The following CYP2C8 variants were observed in gnomAD, a reference collection of about 807,000 sequenced individuals.
The protein encoded by CYP2C8 is cytochrome P450 family 2 subfamily C member 8.
Under a neutral mutation model 41.3 loss-of-function variants are expected in CYP2C8, and 51 were observed. The observed-to-expected ratio is 1.24, with a 90% confidence interval of 0.99 to 1.56. CYP2C8 has a LOEUF of 1.56. Among genes scored for constraint, CYP2C8 ranks in the 40% most tolerant of loss-of-function variants. The pLI is 0.00. For missense variants in CYP2C8, 651 were observed against 579.9 expected (o/e 1.12, Z -1.26); for synonymous variants, 218 against 205.8 (o/e 1.06, Z -0.51).
rs747809923 is a variant in CYP2C8, at chr10:95,067,647, C to A, written c.213G>T (p.Met71Ile). The change falls in exon 2 of 9, where the codon ATG (methionine) becomes ATT (isoleucine). Residue 71 changes from methionine to isoleucine, a missense_variant. Physicochemically the swap from Met to Ile is conservative, Grantham distance 10. Coordinates refer to ENST00000371270, the MANE Select transcript of CYP2C8 (RefSeq NM_000770.3). ...YGPVFTVYFG[M>I]NPIVVFHGYE... ...ATCCATGAAACACCACTATGGGATTCATGCCAAAATACACGGTGAACACAG... is the reference window on the plus strand; with the variant it reads ...ATCCATGAAACACCACTATGGGATTAATGCCAAAATACACGGTGAACACAG... 88 of 1,614,054 alleles carry A rather than the reference C, an allele frequency of 5.5e-5. No homozygotes were observed. Among genetic ancestry groups the A allele is most frequent in the Non-Finnish European group, 6.4e-5 (76 of 1,180,046 alleles).
At chr10:95,059,730 C>A (rs2033385067) in intron 4 of CYP2C8, among the ~76,000 whole-genome samples, 1 of 152,166 alleles carries the variant, frequency 6.6e-6, no homozygotes, top group Non-Finnish European at 1.5e-5. Context: ...TGCCTATGTC[C>A]TGAATGGTAT....
Position 95,039,041 on chromosome 10 carries a change from G to C in CYP2C8, c.1150-3C>G. The C allele has an allele frequency of 6.2e-7, 1 of 1,612,708 alleles. No homozygotes were observed. Among genetic ancestry groups the C allele is most frequent in the East Asian group, 2.2e-5 (1 of 44,866 alleles). On this transcript the variant is annotated splice_polypyrimidine_tract_variant and splice_region_variant and intron_variant, in intron 7 of 8. Transcript: ENST00000371270. ...AGTAATGCCATTATGGTTGTGCCCT[G>C]GAAGTAACAAAACAGATAATCTGAT...
intron 3 of CYP2C8, among the ~76,000 whole-genome samples, chr10:95,066,151 AGAGTGTGTGTGTGTGT>A (rs1262769517): frequency 9.5e-4 from 79 of 82,756 alleles, no homozygotes; most frequent in Non-Finnish European, 4.3e-4. Flanking sequence ...AGAGAGAGAG[AGAGTGTGTGTGTGTGT>A]GTGTGTGTGT....
chr10:95,060,957 G>A (rs59865351), intron 4 of CYP2C8, among the ~76,000 whole-genome samples: 11,395 of 152,180 alleles, frequency 0.075, 483 homozygotes, highest in Middle Eastern at 0.25. Flanking sequence ...ACTGATTTGC[G>A]TATATTGAAC....
chr10:95,043,763 C>T (rs2033054518), intron 6 of CYP2C8, among the ~76,000 whole-genome samples: 1 of 152,050 alleles, frequency 6.6e-6, no homozygotes, highest in South Asian at 2.1e-4. Flanking sequence ...CACGTACACA[C>T]ACACAATTCT....
Position 95,058,487 on chromosome 10 carries a change from T to A in CYP2C8, c.667A>T (p.Ile223Phe). The A allele has an allele frequency of 6.2e-7, 1 of 1,612,966 alleles. No individual in the cohort carries two copies. The change falls in exon 5 of 9, where the codon ATT (isoleucine) becomes TTT (phenylalanine). Residue 223 changes from isoleucine to phenylalanine, a missense_variant. Coordinates refer to ENST00000371270, the MANE Select transcript of CYP2C8 (RefSeq NM_000770.3). ...TTGTGAGTTCCTGGGAAACAATCAATGAGTAGAGGGAAATTATTGCAGACC... is the reference window on the plus strand; with the variant it reads ...TTGTGAGTTCCTGGGAAACAATCAAAGAGTAGAGGGAAATTATTGCAGACC... Reference protein sequence around the residue: ...IQVCNNFPLLIDCFPGTHNKV... With the variant: ...IQVCNNFPLLFDCFPGTHNKV...
Position 95,042,947 on chromosome 10 carries a change from G to A in CYP2C8, c.1092C>T (p.Thr364=), listed in dbSNP as rs369479818. Residue 364 remains threonine (T), a synonymous_variant, in exon 7 of 9, where the codon ACC becomes ACT. Transcript: ENST00000371270. ...EIQRYSDLVP[T]GVPHAVTTDT... Reference sequence around the variant, plus strand: ...CAGTGGTCACTGCATGGGGCACACCGGTGGGGACAAGGTCACTGTATCTCT... The same window carrying A: ...CAGTGGTCACTGCATGGGGCACACCAGTGGGGACAAGGTCACTGTATCTCT... 4.5e-5 allele frequency: 73 copies of A among 1,614,000 alleles called. No individual in the cohort carries two copies. Among genetic ancestry groups the A allele is most frequent in the Non-Finnish European group, 5.3e-5 (63 of 1,179,974 alleles).
At chr10:95,052,444 A>C (rs1008193941) in intron 5 of CYP2C8, among the ~76,000 whole-genome samples, 1 of 152,102 alleles carries the variant, frequency 6.6e-6, no homozygotes, top group Non-Finnish European at 1.5e-5. Context: ...TTCCAAATTA[A>C]TTCTATAAGG....
At chr10:95,042,190 A>G (rs1364817229) in intron 7 of CYP2C8, among the ~76,000 whole-genome samples, 1 of 152,208 alleles carries the variant, frequency 6.6e-6, no homozygotes, top group Non-Finnish European at 1.5e-5. Context: ...AGCCAGCACA[A>G]TAATGCAATA....
intron 4 of CYP2C8, 55 bp downstream of exon 4, chr10:95,064,745 C>T: frequency 6.4e-7 from 1 of 1,550,390 alleles, no homozygotes; most frequent in South Asian, 1.1e-5. Context: ...TAAACCAAGT[C>T]TTCCCTACAA....
intron 4 of CYP2C8, among the ~76,000 whole-genome samples, chr10:95,059,106 G>A (rs534646287): frequency 4.6e-5 from 7 of 152,224 alleles, no homozygotes; most frequent in South Asian, 2.1e-4. Flanking sequence ...ATAAACATAC[G>A]TGTGCATGTG....
At chr10:95,061,124 A>C (rs1460552455) in intron 4 of CYP2C8, among the ~76,000 whole-genome samples, 3 of 152,170 alleles carry the variant, frequency 2.0e-5, no homozygotes, top group African/African-American at 7.2e-5. Context: ...TGTCTCTGCC[A>C]GGCTTTGTTA....
chr10:95,056,771 A>G (rs2033322556), intron 5 of CYP2C8, among the ~76,000 whole-genome samples: 1 of 152,126 alleles, frequency 6.6e-6, no homozygotes, highest in Admixed American at 6.6e-5. Flanking sequence ...ATGATATAGT[A>G]TGTTTCTGTG....
At chr10:95,044,694 C>T (rs7910936) in intron 6 of CYP2C8, among the ~76,000 whole-genome samples, 97,246 of 151,814 alleles carry the variant, frequency 0.64, 31,846 homozygotes, top group African/African-American at 0.76. Flanking sequence ...TAGGCTCAGT[C>T]TCTCTGGAGA....
intron 5 of CYP2C8, among the ~76,000 whole-genome samples, chr10:95,053,479 C>T (rs1269145474): frequency 3.3e-5 from 5 of 152,048 alleles, no homozygotes; most frequent in Admixed American, 3.3e-4. Context: ...GTGTTTATTG[C>T]AGCACTATTT....
chr10:95,037,860 T>C (rs1022304856), intron 8 of CYP2C8, among the ~76,000 whole-genome samples: 2 of 152,226 alleles, frequency 1.3e-5, no homozygotes, highest in Non-Finnish European at 2.9e-5. Flanking sequence ...ATTCAGGACA[T>C]AGGTTCAATT....
At chr10:95,058,276 T>G (rs1441993701) in intron 5 of CYP2C8, 59 bp downstream of exon 5, 1 of 1,606,630 alleles carries the variant, frequency 6.2e-7, no homozygotes, top group African/African-American at 1.3e-5. Context: ...TACAGAAGGA[T>G]TCGATGAATC....
intron 5 of CYP2C8, among the ~76,000 whole-genome samples, chr10:95,052,568 T>C (rs1043813776): frequency 6.6e-6 from 1 of 152,058 alleles, no homozygotes; most frequent in Admixed American, 6.6e-5. Flanking sequence ...CAAACCAAAT[T>C]AATGAATACA....
At chr10:95,068,650 C>A in intron 1 of CYP2C8, 1 of 1,283,350 alleles carries the variant, frequency 7.8e-7, no homozygotes, top group Non-Finnish European at 1.0e-6. Flanking sequence ...AGAGGAGAAA[C>A]AGCACTTTAA....
Sources: allele counts gnomAD v4.1 joint callset (sites outside exome capture counted in the v4.1 genomes callset), GRCh38; gene constraint gnomAD v4.1.1; transcripts MANE v1.5; gene names NCBI Gene and HGNC (gene_info 2026-07-23, HGNC 2026-07-21).